Variants in AIG1 observed in about 807,000 individuals in gnomAD.
AIG1 encodes androgen-induced gene 1 protein.
AIG1 carries 23 observed loss-of-function variants against 31.4 expected under a neutral mutation model. The ratio of observed to expected loss-of-function variants is 0.73; its 90% CI spans 0.53 to 1.04. AIG1 has a LOEUF of 1.04. Ranked by LOEUF, AIG1 falls within the 50% of genes least tolerant of loss-of-function variation. The probability of loss-of-function intolerance (pLI) is 0.00; values close to 1 mark genes in which losing one functional copy is unlikely to be tolerated. For synonymous variants in AIG1, 100 were observed against 110.5 expected (o/e 0.90, Z 0.60); for missense variants, 274 against 295.0 (o/e 0.93, Z 0.52).
In AIG1 at chr6:143,293,155, G is replaced by C. The variant is rs1185609466; in HGVS notation, c.515+8930G>C. 1.3e-5 allele frequency among the ~76,000 whole-genome samples: 2 copies of C among 152,064 alleles called. No homozygotes were observed. Among genetic ancestry groups the C allele is most frequent in the African/African-American group, 2.4e-5 (1 of 41,402 alleles). Reference sequence around the variant, plus strand: ...CTTCCTCTTAGGCGACAAAATTCCTGAATGCCTGCAGAGACCCTAGGAGAA... The same window carrying C: ...CTTCCTCTTAGGCGACAAAATTCCTCAATGCCTGCAGAGACCCTAGGAGAA... On this transcript the variant is annotated intron_variant, in intron 4 of 5. Transcript: ENST00000357847. The surrounding 1 kb of genome is among the most constrained non-coding windows in gnomAD (Gnocchi z 4.8).
chr6:143,314,246 G>C (rs1484910749), intron 4 of AIG1, among the ~76,000 whole-genome samples: 2 of 145,340 alleles, frequency 1.4e-5, no homozygotes, highest in African/African-American at 5.1e-5. Flanking sequence ...CATGCCTATA[G>C]TCCCAGCTAC....
At chr6:143,335,945 G>GA (rs11298199) in intron 5 of AIG1, among the ~76,000 whole-genome samples, 2,705 of 126,780 alleles carry the variant, frequency 0.021, 42 homozygotes, top group African/African-American at 0.051. Flanking sequence ...GAAACTCTCA[G>GA]AAAAAAAAAA....
intron 1 of AIG1, 92 bp from the exon 2 acceptor site, chr6:143,136,743 G>A: frequency 8.8e-7 from 1 of 1,131,708 alleles, no homozygotes; most frequent in Non-Finnish European, 1.2e-6. Flanking sequence ...TTTCTTATTA[G>A]ATGTCATGTT....
At chr6:143,069,311 G>A (rs988224428) in intron 1 of AIG1, among the ~76,000 whole-genome samples, 7 of 152,070 alleles carry the variant, frequency 4.6e-5, no homozygotes, top group South Asian at 2.1e-4. Flanking sequence ...GCCACCGCGC[G>A]CGGCCAATTT....
intron 2 of AIG1, among the ~76,000 whole-genome samples, chr6:143,146,506 A>C (rs1784726638): frequency 3.5e-5 from 5 of 141,278 alleles, no homozygotes; most frequent in African/African-American, 5.3e-5. Context: ...TCTCCCCAAC[A>C]CCCCCATCTT....
chr6:143,122,729 C>T (rs1782345209), intron 1 of AIG1, among the ~76,000 whole-genome samples: 1 of 152,122 alleles, frequency 6.6e-6, no homozygotes, highest in Non-Finnish European at 1.5e-5. Flanking sequence ...TCTCATCCAC[C>T]TGGGAGCTTA....
chr6:143,206,343 T>C (rs777510909), intron 3 of AIG1, among the ~76,000 whole-genome samples: 24 of 152,200 alleles, frequency 1.6e-4, no homozygotes, highest in Admixed American at 3.9e-4. Flanking sequence ...ATTTTCTCTA[T>C]CACAAAAATC....
rs535731268 is a variant in AIG1, at chr6:143,250,835, A to AT, written c.400-33269dup. 1.8e-3 allele frequency among the ~76,000 whole-genome samples: 278 copies of AT among 152,144 alleles called. 1 individual carries two copies. The highest frequency in any genetic ancestry group is 6.4e-3 in the African/African-American group (265 of 41,518). On this transcript the variant is annotated intron_variant, in intron 3 of 5. Coordinates refer to ENST00000357847, the MANE Select transcript of AIG1 (RefSeq NM_016108.4). Reference sequence around the variant, plus strand: ...ATGACGGGTTGTTTTTTTGCGATTTATTTTTTATCATCAGCAATCATTAGT... The same window carrying AT: ...ATGACGGGTTGTTTTTTTGCGATTTATTTTTTTATCATCAGCAATCATTAGT...
intron 3 of AIG1, among the ~76,000 whole-genome samples, chr6:143,206,652 A>G (rs1202943969): frequency 6.6e-6 from 1 of 152,228 alleles, no homozygotes; most frequent in African/African-American, 2.4e-5. Flanking sequence ...AACTTGTGAG[A>G]TCAGAAAGAA....
chr6:143,343,617 T>A (rs183675565), downstream of AIG1, among the ~76,000 whole-genome samples: 495 of 152,284 alleles, frequency 3.3e-3, 1 homozygote, highest in African/African-American at 0.012. Flanking sequence ...AAAATAAAAA[T>A]ACATTCCTTT....
At chr6:143,187,657 C>T (rs777790282) in intron 3 of AIG1, 46 of 1,535,998 alleles carry the variant, frequency 3.0e-5, no homozygotes, top group East Asian at 1.5e-4. Context: ...TTTCTTGGCA[C>T]GCTTTTCAAA....
chr6:143,072,968 T>A (rs1369631345), intron 1 of AIG1, among the ~76,000 whole-genome samples: 1 of 152,228 alleles, frequency 6.6e-6, no homozygotes, highest in Non-Finnish European at 1.5e-5. Context: ...ATTAGATGTC[T>A]GGACTTGGTC....
At chr6:143,152,618 T>A (rs944518094) in intron 2 of AIG1, among the ~76,000 whole-genome samples, 5 of 152,332 alleles carry the variant, frequency 3.3e-5, no homozygotes, top group Admixed American at 2.0e-4. Flanking sequence ...TGGAGTTCAA[T>A]TCTAAATGGA....
chr6:143,083,589 C>T (rs992638762), intron 1 of AIG1, among the ~76,000 whole-genome samples: 44 of 152,178 alleles, frequency 2.9e-4, no homozygotes, highest in Non-Finnish European at 5.9e-4. Flanking sequence ...AGATCTTGCA[C>T]TAACCTCCAT....
chr6:143,160,372 G>T (rs1583368187), intron 2 of AIG1, among the ~76,000 whole-genome samples: 1 of 152,194 alleles, frequency 6.6e-6, no homozygotes, highest in Non-Finnish European at 1.5e-5. Flanking sequence ...TTCAAAAAGA[G>T]GCAAACTGTA....
chr6:143,094,998 G>GA (rs1038541852), intron 1 of AIG1, among the ~76,000 whole-genome samples: 8 of 152,076 alleles, frequency 5.3e-5, no homozygotes, highest in African/African-American at 1.4e-4. Context: ...GGGAGTGGAT[G>GA]AAATGAGGTT....
In AIG1 at chr6:143,338,166, A is replaced by G; in HGVS notation, c.680-1473A>G. 1 of 396,570 alleles carries G rather than the reference A, an allele frequency of 2.5e-6. No homozygotes were observed. Among genetic ancestry groups the G allele is most frequent in the Middle Eastern group, 6.3e-4 (1 of 1,584 alleles). 24.6% of individuals were successfully genotyped at this position (396,570 alleles called of 1,614,324 possible). A position where few individuals can be genotyped will look rare whatever the true frequency, so the allele number is the denominator to read the frequency against. On this transcript the variant is annotated intron_variant, in intron 5 of 5. Transcript: ENST00000357847. This position sits in a 1 kb window ranked among gnomAD's most constrained non-coding sequence, Gnocchi z 4.3. Reference sequence around the variant, plus strand: ...TCTTAGCCCCTGATAGCTTCTCCACAGGAGAGGGAATATGGACAGAGCTGA... The same window carrying G: ...TCTTAGCCCCTGATAGCTTCTCCACGGGAGAGGGAATATGGACAGAGCTGA...
In AIG1 at chr6:143,291,198, C is replaced by A. The variant is rs1798039079; in HGVS notation, c.515+6973C>A. The stretch of plus-strand genomic sequence containing the variant: ...GAGGGAGGGGGAGCTGTAAAGCCGC[C>A]TGTGATCCCATCATTGTACATGTCA... On this transcript the variant is annotated intron_variant, in intron 4 of 5. Coordinates refer to ENST00000357847, the MANE Select transcript of AIG1 (RefSeq NM_016108.4). This position sits in a 1 kb window ranked among gnomAD's most constrained non-coding sequence, Gnocchi z 4.2. Among the ~76,000 whole-genome samples the A allele has an allele frequency of 6.6e-6, 1 of 152,156 alleles. No homozygotes were observed. The highest frequency in any genetic ancestry group is 1.5e-5 in the Non-Finnish European group (1 of 68,016).
At chr6:143,080,120 G>C (rs1778089729) in intron 1 of AIG1, among the ~76,000 whole-genome samples, 1 of 152,162 alleles carries the variant, frequency 6.6e-6, no homozygotes, top group African/African-American at 2.4e-5. Context: ...AGCTAGTCCT[G>C]TCTCTCAGTC....
Sources: allele counts gnomAD v4.1 joint callset (sites outside exome capture counted in the v4.1 genomes callset), GRCh38; gene constraint gnomAD v4.1.1; non-coding constraint Gnocchi (gnomAD v3.1); transcripts MANE v1.5; gene names NCBI Gene and HGNC (gene_info 2026-07-23, HGNC 2026-07-21).